EID2B: variants seen among roughly 807,000 people sequenced by gnomAD.
EID2B encodes EP300-interacting inhibitor of differentiation 2B.
EID2B carries 6 observed loss-of-function variants against 5.9 expected under a neutral mutation model. The observed-to-expected ratio is 1.01, with a 90% confidence interval of 0.55 to 2.00. The LOEUF is 2.00. Ranked by LOEUF, EID2B falls within the 30% of genes most tolerant of loss-of-function variation. The pLI is 0.00. For missense variants in EID2B, 234 were observed against 228.1 expected, an observed-to-expected ratio of 1.03 and a Z score of -0.17; for synonymous variants, 94 against 104.2, an observed-to-expected ratio of 0.90 and a Z score of 0.60.
rs1172589404 is a variant in EID2B at position 39,531,586 on chromosome 19, T to C, written c.*731A>G. The C allele has an allele frequency of 6.6e-6, 1 of 152,256 alleles. No homozygotes were observed. The highest frequency in any genetic ancestry group is 2.4e-5 in the African/African-American group (1 of 41,472). 9.4% of individuals were successfully genotyped at this position (152,256 alleles called of 1,614,324 possible). A position where few individuals can be genotyped will look rare whatever the true frequency, so the allele number is the denominator to read the frequency against. On this transcript the variant is annotated 3_prime_UTR_variant, in exon 1 of 1. Transcript: ENST00000326282. ...CACACCTACCCAATTTCACATAGAC[T>C]TGAAAACACTGATCATATAATACGT...
chr19:39,532,362 C>A lies in EID2B; in HGVS notation c.441G>T (p.Thr147=), dbSNP rs753339005. The A allele has an allele frequency of 1.9e-6, 3 of 1,614,148 alleles. No homozygotes were observed. The highest frequency in any genetic ancestry group is 2.5e-6 in the Non-Finnish European group (3 of 1,180,020). Residue 147 remains threonine, a synonymous_variant, in exon 1 of 1, where the codon ACG becomes ACT. Transcript: ENST00000326282. ...GGGCCTCGGAGGCAGTCAGCGCTACCGTAAACGCGACAGCAGCGAAGTCCA... is the reference window on the plus strand; with the variant it reads ...GGGCCTCGGAGGCAGTCAGCGCTACAGTAAACGCGACAGCAGCGAAGTCCA... The part of the protein sequence containing the change: ...PQMDFAAVAF[T]VALTASEALS...
rs1000412867 is a variant in EID2B, at chr19:39,532,551, C to G, written c.252G>C (p.Gln84His). 2.5e-6 allele frequency: 4 copies of G among 1,613,922 alleles called. No individual in the cohort carries two copies. The highest frequency in any genetic ancestry group is 3.4e-6 in the Non-Finnish European group (4 of 1,180,048). The stretch of plus-strand genomic sequence containing the variant: ...GCCGGTTAATTTCTAAGAAAGCGAG[C>G]TGCTGATGGGGGTCTGGCGCGGAGG... ...GLASAPDPHQQLAFLEINRQL... is the reference protein window; with the variant it reads ...GLASAPDPHQHLAFLEINRQL... The change falls in exon 1 of 1, where the codon CAG (glutamine) becomes CAC (histidine). Residue 84 changes from glutamine to histidine, a missense_variant. Gln to His is a conservative substitution (Grantham distance 24). Transcript: ENST00000326282.
In EID2B at chr19:39,532,839, C is replaced by T. The variant is rs371551550; in HGVS notation, c.-37G>A. ...TTCTACGGAGACTGGAATAACGGCA[C>T]TGCACTGCTGTATGCGAGACCTGCG... On this transcript the variant is annotated 5_prime_UTR_variant, in exon 1 of 1. The change creates a new upstream start codon in the 5' untranslated region. Coordinates refer to ENST00000326282, the MANE Select transcript of EID2B (RefSeq NM_152361.3). The T allele has an allele frequency of 3.6e-5, 57 of 1,600,036 alleles. No homozygotes were observed. In the African/African-American group the frequency reaches 6.8e-4, roughly 19 times the overall value.
rs761963166 is a variant in EID2B at position 39,532,425 on chromosome 19, C to T, written c.378G>A (p.Lys126=). 6 of 1,614,068 alleles carry T rather than the reference C, an allele frequency of 3.7e-6. No individual in the cohort carries two copies. The highest frequency in any genetic ancestry group is 2.7e-5 in the African/African-American group (2 of 74,944). Residue 126 remains lysine (K), a synonymous_variant, in exon 1 of 1, where the codon AAG becomes AAA. Transcript: ENST00000326282. Reference sequence around the variant, plus strand: ...CCGCGTCAAAGGCTGCTTCCCTCGCCTTGCAGCCTTCCACAAACAGCCTGC... The same window carrying T: ...CCGCGTCAAAGGCTGCTTCCCTCGCTTTGCAGCCTTCCACAAACAGCCTGC... ...ERRRLFVEGC[K]AREAAFDADP...
Position 39,532,094 on chromosome 19 carries a change from TTAAA to T in EID2B, c.*219_*222del. 1.7e-6 allele frequency: 1 copy of T among 585,622 alleles called. No homozygotes were observed. Among genetic ancestry groups the T allele is most frequent in the Non-Finnish European group, 2.9e-6 (1 of 343,890 alleles). The allele number at this position is 585,622 out of a possible 1,614,324, so 36.3% of individuals were successfully genotyped here. A position where few individuals can be genotyped will look rare whatever the true frequency, so the allele number is the denominator to read the frequency against. ...AGGGATGCGAGACTCCCTTCTCTAT[TTAAA>T]TAATACTAAAAAAGAAGAAAGAAAA... On this transcript the variant is annotated 3_prime_UTR_variant, in exon 1 of 1. Transcript: ENST00000326282.
At position 39,532,088 on chromosome 19, in the gene EID2B, C is replaced by A. The variant is rs527451283; in HGVS notation, c.*229G>T. ...CAGCCTAGGGATGCGAGACTCCCTT[C>A]TCTATTTAAATAATACTAAAAAAGA... On this transcript the variant is annotated 3_prime_UTR_variant, in exon 1 of 1. Coordinates refer to ENST00000326282, the MANE Select transcript of EID2B (RefSeq NM_152361.3). The A allele has an allele frequency of 1.4e-3, 822 of 567,368 alleles. 3 individuals are homozygous for A. The highest frequency in any genetic ancestry group is 1.7e-3 in the Non-Finnish European group (576 of 331,200). The allele number at this position is 567,368 out of a possible 1,614,324, so 35.1% of individuals were successfully genotyped here.
Position 39,532,751 on chromosome 19 carries a change from T to C in EID2B, c.52A>G (p.Ser18Gly), listed in dbSNP as rs1313287098. Residue 18 changes from serine to glycine, a missense_variant, in exon 1 of 1, where the codon AGT becomes GGT. Coordinates refer to ENST00000326282, the MANE Select transcript of EID2B (RefSeq NM_152361.3). ...LEMSELPGDS[S>G]VPQVGTASGV... ...CTCGCGGTGCCCACCTGTGGGACACTGCTATCTCCGGGGAGCTCGGACATC... is the reference window on the plus strand; with the variant it reads ...CTCGCGGTGCCCACCTGTGGGACACCGCTATCTCCGGGGAGCTCGGACATC... 7 of 1,611,998 alleles carry C rather than the reference T, an allele frequency of 4.3e-6. No homozygotes were observed.
At position 39,531,090 on chromosome 19, in the gene EID2B, C is replaced by G. The variant is rs1971956612; in HGVS notation, c.*1227G>C. On this transcript the variant is annotated 3_prime_UTR_variant, in exon 1 of 1. Transcript: ENST00000326282. ...AAGAAAACAACAACAAAACTCCAAG[C>G]CACAAGCAATGGCACCTGCATGGAA... 6.6e-6 allele frequency: 1 copy of G among 152,166 alleles called. No individual in the cohort carries two copies. Among genetic ancestry groups the G allele is most frequent in the Non-Finnish European group, 1.5e-5 (1 of 68,032 alleles). 9.4% of individuals were successfully genotyped at this position (152,166 alleles called of 1,614,324 possible).
At position 39,532,006 on chromosome 19, in the gene EID2B, T is replaced by A. The variant is rs756035894; in HGVS notation, c.*311A>T. 1.1e-4 allele frequency: 35 copies of A among 321,124 alleles called. No individual in the cohort carries two copies. The highest frequency in any genetic ancestry group is 3.2e-4 in the East Asian group (5 of 15,594). 19.9% of individuals were successfully genotyped at this position (321,124 alleles called of 1,614,324 possible). The stretch of plus-strand genomic sequence containing the variant: ...GCGGTGGCTCACGCCTGTAAAGTAA[T>A]CCCAGCACTTTGGGAGGCCGAAGCG... On this transcript the variant is annotated 3_prime_UTR_variant, in exon 1 of 1. Coordinates refer to ENST00000326282, the MANE Select transcript of EID2B (RefSeq NM_152361.3).
In EID2B at chr19:39,531,078, CA is replaced by C. The variant is rs34833151; in HGVS notation, c.*1238del. 46,953 of 151,992 alleles carry C rather than the reference CA, an allele frequency of 0.31. 7,334 individuals are homozygous for C. The highest frequency in any genetic ancestry group is 0.48 in the East Asian group (2,455 of 5,162). 9.4% of individuals were successfully genotyped at this position (151,992 alleles called of 1,614,324 possible). A position where few individuals can be genotyped will look rare whatever the true frequency, so the allele number is the denominator to read the frequency against. On this transcript the variant is annotated 3_prime_UTR_variant, in exon 1 of 1. Coordinates refer to ENST00000326282, the MANE Select transcript of EID2B (RefSeq NM_152361.3). ...ACAAGCAAAACCAAGAAAACAACAA[CA>C]AAACTCCAAGCCACAAGCAATGGCA...
At position 39,532,020 on chromosome 19, in the gene EID2B, G is replaced by A. The variant is rs1426214311; in HGVS notation, c.*297C>T. 8.9e-6 allele frequency: 3 copies of A among 338,658 alleles called. No individual in the cohort carries two copies. The highest frequency in any genetic ancestry group is 2.1e-5 in the African/African-American group (1 of 46,612). The allele number at this position is 338,658 out of a possible 1,614,324, so 21.0% of individuals were successfully genotyped here. Reference sequence around the variant, plus strand: ...CTGTAAAGTAATCCCAGCACTTTGGGAGGCCGAAGCGGGAGGATCGCTCGG... The same window carrying A: ...CTGTAAAGTAATCCCAGCACTTTGGAAGGCCGAAGCGGGAGGATCGCTCGG... On this transcript the variant is annotated 3_prime_UTR_variant, in exon 1 of 1. Transcript: ENST00000326282.
At position 39,532,459 on chromosome 19, in the gene EID2B, T is replaced by G. The variant is rs993336514; in HGVS notation, c.344A>C (p.Glu115Ala). 6.2e-7 allele frequency: 1 copy of G among 1,614,046 alleles called. No individual in the cohort carries two copies. Among genetic ancestry groups the G allele is most frequent in the Non-Finnish European group, 8.5e-7 (1 of 1,180,052 alleles). ...MIPVRLLRDF[E>A]ERRRLFVEGC... ...TTCCACAAACAGCCTGCGGCGTTCCTCGAAATCCCGTAGTAATCTGACCGG... is the reference window on the plus strand; with the variant it reads ...TTCCACAAACAGCCTGCGGCGTTCCGCGAAATCCCGTAGTAATCTGACCGG... Residue 115 changes from glutamate (E) to alanine (A), a missense_variant, in exon 1 of 1, where the codon GAG (glutamate) becomes GCG (alanine). Transcript: ENST00000326282.
In EID2B at chr19:39,532,843, A is replaced by T; in HGVS notation, c.-41T>A. 1 of 1,599,262 alleles carries T rather than the reference A, an allele frequency of 6.3e-7. No individual in the cohort carries two copies. The highest frequency in any genetic ancestry group is 8.5e-7 in the Non-Finnish European group (1 of 1,178,678). On this transcript the variant is annotated 5_prime_UTR_variant, in exon 1 of 1. Transcript: ENST00000326282. ...ACGGAGACTGGAATAACGGCACTGCACTGCTGTATGCGAGACCTGCGCATG... is the reference window on the plus strand; with the variant it reads ...ACGGAGACTGGAATAACGGCACTGCTCTGCTGTATGCGAGACCTGCGCATG...
In EID2B at chr19:39,532,838, A is replaced by G; in HGVS notation, c.-36T>C. On this transcript the variant is annotated 5_prime_UTR_variant, in exon 1 of 1. Transcript: ENST00000326282. ...TTTCTACGGAGACTGGAATAACGGC[A>G]CTGCACTGCTGTATGCGAGACCTGC... 3 of 1,601,736 alleles carry G rather than the reference A, an allele frequency of 1.9e-6. No individual in the cohort carries two copies. Among genetic ancestry groups the G allele is most frequent in the Non-Finnish European group, 2.5e-6 (3 of 1,179,238 alleles).
Position 39,532,784 on chromosome 19 carries a change from G to T in EID2B, c.19C>A (p.Leu7Met), listed in dbSNP as rs1428477418. MAEPTG[L>M]LEMSELPGDS... ...CCGGGGAGCTCGGACATCTCCAACA[G>T]CCCAGTCGGCTCCGCCATAGTCCCA... The change falls in exon 1 of 1, where the codon CTG (leucine) becomes ATG (methionine). Residue 7 changes from leucine (L) to methionine (M), a missense_variant. Coordinates refer to ENST00000326282, the MANE Select transcript of EID2B (RefSeq NM_152361.3). 6.2e-7 allele frequency: 1 copy of T among 1,610,786 alleles called. No individual in the cohort carries two copies. The highest frequency in any genetic ancestry group is 2.2e-5 in the East Asian group (1 of 44,878).
chr19:39,532,220 G>T lies in EID2B; in HGVS notation c.*97C>A. ...CCTTCCAGTTTGCATTCCCCCTAAT[G>T]ACTGAGTTAACTAAACTGGCACAGC... On this transcript the variant is annotated 3_prime_UTR_variant, in exon 1 of 1. Coordinates refer to ENST00000326282, the MANE Select transcript of EID2B (RefSeq NM_152361.3). 1 of 1,462,206 alleles carries T rather than the reference G, an allele frequency of 6.8e-7. No homozygotes were observed. The highest frequency in any genetic ancestry group is 1.4e-5 in the South Asian group (1 of 73,716). The allele number at this position is 1,462,206 out of a possible 1,614,324, so 90.6% of individuals were successfully genotyped here.
Position 39,532,380 on chromosome 19 carries a change from G to A in EID2B, c.423C>T (p.Phe141=). The part of the protein sequence containing the change: ...AFDADPPQMD[F]AAVAFTVALT... ...GCGCTACCGTAAACGCGACAGCAGC[G>A]AAGTCCATCTGCGGGGGATCCGCGT... Residue 141 remains phenylalanine, a synonymous_variant, in exon 1 of 1, where the codon TTC becomes TTT. Transcript: ENST00000326282. The A allele has an allele frequency of 6.2e-7, 1 of 1,614,188 alleles. No individual in the cohort carries two copies. The highest frequency in any genetic ancestry group is 8.5e-7 in the Non-Finnish European group (1 of 1,180,038).
rs986137412 is a variant in EID2B at position 39,532,113 on chromosome 19, A to T, written c.*204T>A. 9.1e-5 allele frequency: 58 copies of T among 638,618 alleles called. 1 individual carries two copies. The highest frequency in any genetic ancestry group is 1.2e-4 in the Non-Finnish European group (46 of 381,174). The allele number at this position is 638,618 out of a possible 1,614,324, so 39.6% of individuals were successfully genotyped here. A position where few individuals can be genotyped will look rare whatever the true frequency, so the allele number is the denominator to read the frequency against. On this transcript the variant is annotated 3_prime_UTR_variant, in exon 1 of 1. Coordinates refer to ENST00000326282, the MANE Select transcript of EID2B (RefSeq NM_152361.3). Reference sequence around the variant, plus strand: ...CTCTATTTAAATAATACTAAAAAAGAAGAAAGAAAACAAGATTCAACAGTC... The same window carrying T: ...CTCTATTTAAATAATACTAAAAAAGTAGAAAGAAAACAAGATTCAACAGTC...
rs909423503 is a variant in EID2B, at chr19:39,532,529, G to C, written c.274C>G (p.Arg92Gly). Residue 92 changes from arginine (R) to glycine (G), a missense_variant, in exon 1 of 1, where the codon CGG (arginine) becomes GGG (glycine). By Grantham distance (125) the Arg-to-Gly change is moderately radical. Coordinates refer to ENST00000326282, the MANE Select transcript of EID2B (RefSeq NM_152361.3). Reference protein sequence around the residue: ...HQQLAFLEINRQLLFREYLDG... With the variant: ...HQQLAFLEINGQLLFREYLDG... ...AGATACTCGCGGAACAACAGCTGCC[G>C]GTTAATTTCTAAGAAAGCGAGCTGC... 5.6e-6 allele frequency: 9 copies of C among 1,614,024 alleles called. No individual in the cohort carries two copies. Among genetic ancestry groups the C allele is most frequent in the African/African-American group, 4.0e-5 (3 of 74,948 alleles).
Sources: gnomAD v4.1 joint callset for allele counts on GRCh38, gnomAD v4.1.1 for gene constraint, MANE v1.5 for transcripts, NCBI Gene and HGNC (gene_info 2026-07-23, HGNC 2026-07-21) for gene names.